The following MICU1 variants were observed in gnomAD, a reference collection of about 807,000 sequenced individuals.
MICU1 encodes the protein calcium uptake protein 1, mitochondrial.
Under a neutral mutation model 56.8 loss-of-function variants are expected in MICU1, and 45 were observed. The observed-to-expected ratio is 0.79, with a 90% CI of 0.62 to 1.02. MICU1 has a LOEUF of 1.02. Ranked by LOEUF, MICU1 falls within the 50% of genes least tolerant of loss-of-function variation. The probability of loss-of-function intolerance (pLI) is 0.00; values close to 1 mark genes in which losing one functional copy is unlikely to be tolerated. For synonymous variants in MICU1, 186 were observed against 195.1 expected (o/e 0.95, Z 0.39); for missense variants, 504 against 587.1 (o/e 0.86, Z 1.46).
intron 9 of MICU1, among the ~76,000 whole-genome samples, chr10:72,418,039 T>C (rs1864041011): frequency 6.6e-6 from 1 of 151,978 alleles, no homozygotes; most frequent in Non-Finnish European, 1.5e-5. Context: ...GAAGAATGAG[T>C]GCCTGGTGAA....
intron 3 of MICU1, among the ~76,000 whole-genome samples, chr10:72,553,344 C>T (rs1244260555): frequency 2.0e-5 from 3 of 151,704 alleles, no homozygotes; most frequent in Admixed American, 1.3e-4. Flanking sequence ...CGCCATTCTC[C>T]TGCCTCAGCC....
At chr10:72,386,231 G>A (rs1342635171) in intron 10 of MICU1, among the ~76,000 whole-genome samples, 3 of 152,118 alleles carry the variant, frequency 2.0e-5, no homozygotes, top group Admixed American at 2.0e-4. Context: ...GCCCAGGCTG[G>A]AGTACAGTGG....
At chr10:72,396,317 C>T (rs1008703108) in intron 10 of MICU1, among the ~76,000 whole-genome samples, 1 of 152,210 alleles carries the variant, frequency 6.6e-6, no homozygotes, top group Non-Finnish European at 1.5e-5. Flanking sequence ...GATGAAACCA[C>T]AAAGATGGGG....
At chr10:72,519,724 T>C (rs1048726509) in intron 5 of MICU1, among the ~76,000 whole-genome samples, 4 of 152,192 alleles carry the variant, frequency 2.6e-5, no homozygotes, top group African/African-American at 7.2e-5. Flanking sequence ...GGGTTGGTAA[T>C]TTTGCCTTCT....
At chr10:72,534,502 C>T (rs951808458) in intron 4 of MICU1, among the ~76,000 whole-genome samples, 29 of 152,030 alleles carry the variant, frequency 1.9e-4, no homozygotes, top group Admixed American at 5.2e-4. Flanking sequence ...GAAAGACATA[C>T]GGATATAATA....
intron 1 of MICU1, among the ~76,000 whole-genome samples, chr10:72,571,440 G>A (rs1002935162): frequency 5.3e-5 from 8 of 152,146 alleles, no homozygotes; most frequent in African/African-American, 1.9e-4. Flanking sequence ...CAGATGTAGA[G>A]AACAGCTAGA....
At chr10:72,385,063 G>A (rs931032731) in intron 10 of MICU1, among the ~76,000 whole-genome samples, 2 of 152,120 alleles carry the variant, frequency 1.3e-5, no homozygotes, top group African/African-American at 4.8e-5. Context: ...AAAGCATTGA[G>A]TCCTCGATGT....
Position 72,540,780 on chromosome 10 carries a change from G to A in MICU1, c.494-6991C>T, listed in dbSNP as rs546094757. ...TGGAAAAGCCATTGGGCTTTGTTGTGTAACTTGTTTTAGCCAATGGGATAT... is the reference window on the plus strand; with the variant it reads ...TGGAAAAGCCATTGGGCTTTGTTGTATAACTTGTTTTAGCCAATGGGATAT... On this transcript the variant is annotated intron_variant, in intron 4 of 11. Transcript: ENST00000361114. 1.2e-3 allele frequency among the ~76,000 whole-genome samples: 187 copies of A among 152,314 alleles called. 1 individual carries two copies. Among genetic ancestry groups the A allele is most frequent in the African/African-American group, 4.0e-3 (168 of 41,566 alleles).
chr10:72,413,709 G>A (rs1465979821), intron 9 of MICU1, among the ~76,000 whole-genome samples: 1 of 151,964 alleles, frequency 6.6e-6, no homozygotes, highest in Non-Finnish European at 1.5e-5. Context: ...ACTCCAGCCT[G>A]GGCGACAGAG....
chr10:72,625,737 C>G lies in MICU1; in HGVS notation c.-2+273G>C, dbSNP rs1375383865. ...TCGGCGCCAAGTTGCGAACCCGGCA[C>G]TGGGAGAAGTTCTCCCGGGACGGGA... On this transcript the variant is annotated intron_variant, in intron 1 of 11. Transcript: ENST00000361114. Among the ~76,000 whole-genome samples the G allele has an allele frequency of 2.0e-5, 3 of 152,192 alleles. No homozygotes were observed. In the East Asian group the frequency reaches 5.8e-4, roughly 29 times the overall value.
rs911026454 is a variant in MICU1, at chr10:72,406,915, C to A, written c.1180+1014G>T. Among the ~76,000 whole-genome samples, 5 of 152,274 alleles carry A rather than the reference C, an allele frequency of 3.3e-5. No homozygotes were observed. In the East Asian group the frequency reaches 9.6e-4, roughly 29 times the overall value. On this transcript the variant is annotated intron_variant, in intron 10 of 11. Coordinates refer to ENST00000361114, the MANE Select transcript of MICU1 (RefSeq NM_001195518.2). ...GTGTTCGGATTACAGGCATGAACCACCATGCCTGACTATATTCATACAATG... is the reference window on the plus strand; with the variant it reads ...GTGTTCGGATTACAGGCATGAACCAACATGCCTGACTATATTCATACAATG...
At chr10:72,536,017 A>G (rs1839623708) in intron 4 of MICU1, among the ~76,000 whole-genome samples, 2 of 152,280 alleles carry the variant, frequency 1.3e-5, no homozygotes, top group Admixed American at 6.5e-5. Context: ...TCGATCTCAT[A>G]TAAGTAGAAA....
chr10:72,551,155 T>C (rs1840025726), intron 4 of MICU1, 24 bp downstream of exon 4: 9 of 1,583,604 alleles, frequency 5.7e-6, no homozygotes, highest in Admixed American at 1.8e-5. Flanking sequence ...TATCACAGTC[T>C]TATATTTCAC....
At chr10:72,508,354 C>A (rs1867330556) in intron 5 of MICU1, 85 bp from the exon 6 acceptor site, 5 of 533,002 alleles carry the variant, frequency 9.4e-6, no homozygotes, top group Admixed American at 3.1e-5. Flanking sequence ...CACCATTTAT[C>A]TGACAGTTTT....
intron 8 of MICU1, among the ~76,000 whole-genome samples, chr10:72,464,347 C>T (rs1024778725): frequency 1.4e-5 from 2 of 147,602 alleles, no homozygotes; most frequent in Non-Finnish European, 3.0e-5. Flanking sequence ...CTTTTACACA[C>T]ATGCACGTGT....
At chr10:72,553,936 G>C (rs1840098243) in intron 3 of MICU1, among the ~76,000 whole-genome samples, 1 of 152,056 alleles carries the variant, frequency 6.6e-6, no homozygotes, top group African/African-American at 2.4e-5. Flanking sequence ...GATAACAAAG[G>C]CTTGGAAGCA....
At chr10:72,477,464 T>C (rs1160798156) in intron 6 of MICU1, 5 of 1,504,654 alleles carry the variant, frequency 3.3e-6, no homozygotes, top group Non-Finnish European at 4.5e-6. Context: ...AGAGTAGTAC[T>C]ACGGCCAGTA....
chr10:72,536,319 T>G (rs922862851), intron 4 of MICU1, among the ~76,000 whole-genome samples: 12 of 152,132 alleles, frequency 7.9e-5, no homozygotes, highest in African/African-American at 2.9e-4. Flanking sequence ...GTACAATTAT[T>G]ATGTCAATTT....
intron 10 of MICU1, among the ~76,000 whole-genome samples, chr10:72,393,113 G>A (rs913261938): frequency 6.6e-6 from 1 of 152,164 alleles, no homozygotes; most frequent in African/African-American, 2.4e-5. Context: ...TTTATGTCTT[G>A]TTCAGATATA....
Sources: gnomAD v4.1 joint callset for allele counts (sites outside exome capture counted in the v4.1 genomes callset) on GRCh38, gnomAD v4.1.1 for gene constraint, MANE v1.5 for transcripts, NCBI Gene and HGNC (gene_info 2026-07-23, HGNC 2026-07-21) for gene names.